Variants in CRPPA observed in about 807,000 individuals in gnomAD.
The protein encoded by CRPPA is D-ribitol-5-phosphate cytidylyltransferase.
CRPPA carries 43 observed loss-of-function variants against 52.0 expected under a neutral mutation model. The observed-to-expected ratio is 0.83, with a 90% CI of 0.65 to 1.07. CRPPA has a LOEUF of 1.07. Among genes scored for constraint, CRPPA ranks in the 50% least tolerant of loss-of-function variants. The pLI, the probability that CRPPA is intolerant of heterozygous loss-of-function variation, is 0.00. For missense variants in CRPPA, 629 were observed against 551.7 expected (o/e 1.14, Z -1.40); for synonymous variants, 250 against 203.5 (o/e 1.23, Z -1.94).
chr7:16,323,947 T>C (rs1183906847), intron 3 of CRPPA, among the ~76,000 whole-genome samples: 1 of 151,994 alleles, frequency 6.6e-6, no homozygotes, highest in Admixed American at 6.6e-5. Flanking sequence ...AGCAAAGAAA[T>C]TAACAGAAAA....
intron 5 of CRPPA, among the ~76,000 whole-genome samples, chr7:16,293,586 G>A (rs377149182): frequency 2.4e-4 from 37 of 152,038 alleles, no homozygotes; most frequent in African/African-American, 7.9e-4. Context: ...AGTAAATAAA[G>A]GAAGGACAAC....
intron 9 of CRPPA, among the ~76,000 whole-genome samples, chr7:16,116,995 C>A (rs544355415): frequency 6.6e-6 from 1 of 152,272 alleles, no homozygotes; most frequent in East Asian, 1.9e-4. Flanking sequence ...TCATCATCAG[C>A]ACTGAAAACC....
At chr7:16,409,858 G>A (rs996003349) in intron 1 of CRPPA, among the ~76,000 whole-genome samples, 2 of 152,088 alleles carry the variant, frequency 1.3e-5, no homozygotes, top group Non-Finnish European at 1.5e-5. Context: ...CTTCTAGAAT[G>A]TAGGCTCCAT....
intron 2 of CRPPA, among the ~76,000 whole-genome samples, chr7:16,393,686 C>T (rs1787497462): frequency 6.6e-6 from 1 of 151,830 alleles, no homozygotes; most frequent in African/African-American, 2.4e-5. Context: ...CAGGCAAAAA[C>T]AAAAACCATA....
At position 16,243,005 on chromosome 7, in the gene CRPPA, A is replaced by C. The variant is rs74713474; in HGVS notation, c.1119+15385T>G. Among the ~76,000 whole-genome samples the C allele has an allele frequency of 2.4e-3, 365 of 152,244 alleles. 13 individuals are homozygous for C. The East Asian group carries it at 0.053, about 22-fold the overall frequency. On this transcript the variant is annotated intron_variant, in intron 8 of 9. Coordinates refer to ENST00000407010, the MANE Select transcript of CRPPA (RefSeq NM_001101426.4). The stretch of plus-strand genomic sequence containing the variant: ...TAATCAATATCACCACCAGTCTCTA[A>C]ATGGTTTGGGTCTGTGTTCCCACCC...
chr7:16,324,002 G>A (rs751723728), intron 3 of CRPPA, among the ~76,000 whole-genome samples: 1 of 152,160 alleles, frequency 6.6e-6, no homozygotes, highest in African/African-American at 2.4e-5. Context: ...TCAGTAACAC[G>A]GATGCAAATA....
intron 3 of CRPPA, among the ~76,000 whole-genome samples, chr7:16,337,603 G>C (rs528600919): frequency 6.6e-6 from 1 of 151,906 alleles, no homozygotes; most frequent in East Asian, 1.9e-4. Flanking sequence ...ATTGACAACT[G>C]TTTTTTTGCA....
intron 9 of CRPPA, among the ~76,000 whole-genome samples, chr7:16,118,687 G>A (rs1243960762): frequency 1.3e-5 from 2 of 152,148 alleles, no homozygotes; most frequent in East Asian, 1.9e-4. Flanking sequence ...TAGCTGTGAC[G>A]TCTGCAGTGT....
chr7:16,290,106 G>A (rs1282570454), intron 5 of CRPPA, among the ~76,000 whole-genome samples: 2 of 151,636 alleles, frequency 1.3e-5, no homozygotes, highest in Non-Finnish European at 3.0e-5. Flanking sequence ...GGAGGCAAAG[G>A]CCTCTACAAC....
intron 4 of CRPPA, among the ~76,000 whole-genome samples, chr7:16,304,483 A>G (rs1021041730): frequency 6.6e-6 from 1 of 152,160 alleles, no homozygotes; most frequent in Non-Finnish European, 1.5e-5. Context: ...TCTACTAAAA[A>G]TACAAAAATC....
At chr7:16,159,778 C>G (rs1414559894) in intron 9 of CRPPA, among the ~76,000 whole-genome samples, 1 of 152,182 alleles carries the variant, frequency 6.6e-6, no homozygotes, top group Non-Finnish European at 1.5e-5. Flanking sequence ...CTTGAGGAAT[C>G]GCCACACTGT....
At chr7:16,399,487 C>A (rs1467903393) in intron 2 of CRPPA, among the ~76,000 whole-genome samples, 1 of 136,092 alleles carries the variant, frequency 7.3e-6, no homozygotes, top group Non-Finnish European at 1.5e-5. Flanking sequence ...GTTTGATCAA[C>A]ACATGTGACT....
At chr7:16,342,790 T>TAGATAG (rs1554335244) in intron 3 of CRPPA, among the ~76,000 whole-genome samples, 13,333 of 33,450 alleles carry the variant, frequency 0.4, 2,770 homozygotes, top group East Asian at 0.56. Context: ...AAAATATATA[T>TAGATAG]ATATATATCT....
At chr7:16,247,917 T>C (rs1353389611) in intron 8 of CRPPA, 2 of 152,046 alleles carry the variant, frequency 1.3e-5, no homozygotes, top group African/African-American at 4.8e-5. Flanking sequence ...GCCAGACAAT[T>C]CTGCCATTCA....
intron 2 of CRPPA, among the ~76,000 whole-genome samples, chr7:16,380,795 T>G (rs1787064761): frequency 6.6e-6 from 1 of 152,204 alleles, no homozygotes; most frequent in Admixed American, 6.5e-5. Context: ...TTTGAGGTAT[T>G]CTCTGATGGT....
intron 5 of CRPPA, among the ~76,000 whole-genome samples, chr7:16,300,601 G>A (rs1368269111): frequency 6.6e-6 from 1 of 152,152 alleles, no homozygotes; most frequent in Non-Finnish European, 1.5e-5. Context: ...AAAACCAGGG[G>A]AAGGGGAGTG....
chr7:16,170,617 C>T (rs543913784), intron 9 of CRPPA, among the ~76,000 whole-genome samples: 11 of 152,314 alleles, frequency 7.2e-5, no homozygotes, highest in African/African-American at 2.6e-4. Flanking sequence ...CCATTGCTGG[C>T]TAGGGCAGCT....
intron 6 of CRPPA, chr7:16,269,341 T>A (rs1448949312): frequency 1.3e-5 from 2 of 151,608 alleles, no homozygotes; most frequent in Non-Finnish European, 2.9e-5. Flanking sequence ...GAAAGAGTAA[T>A]CAACTAAGCC....
intron 9 of CRPPA, among the ~76,000 whole-genome samples, chr7:16,124,845 T>C (rs1008896357): frequency 6.6e-6 from 1 of 151,638 alleles, no homozygotes; most frequent in Non-Finnish European, 1.5e-5. Flanking sequence ...TACAATTAAA[T>C]GTCAATTAAA....
Sources: gnomAD v4.1 joint callset for allele counts (sites outside exome capture counted in the v4.1 genomes callset) on GRCh38, gnomAD v4.1.1 for gene constraint, MANE v1.5 for transcripts, NCBI Gene and HGNC (gene_info 2026-07-23, HGNC 2026-07-21) for gene names.